Variants in PABPN1L observed in about 807,000 individuals in gnomAD.
The protein encoded by PABPN1L is embryonic polyadenylate-binding protein 2.
Under a neutral mutation model 34.0 loss-of-function variants are expected in PABPN1L, and 45 were observed. That is an observed-to-expected ratio of 1.32 (90% CI 1.04 to 1.70). The LOEUF (loss-of-function observed/expected upper bound fraction) is 1.70, where lower values mean the gene tolerates loss of function less well. Among genes scored for constraint, PABPN1L ranks in the 40% most tolerant of loss-of-function variants. The pLI, the probability that PABPN1L is intolerant of heterozygous loss-of-function variation, is 0.00. For missense variants in PABPN1L, 459 were observed against 367.8 expected, an observed-to-expected ratio of 1.25 and a Z score of -2.03; for synonymous variants, 182 against 152.1, an observed-to-expected ratio of 1.20 and a Z score of -1.45.
At chr16:88,865,101 G>A (rs76746996) in exon 4 of PABPN1L, 48,234 of 1,584,442 alleles carry the variant, frequency 0.03, 1,294 homozygotes, top group African/African-American at 0.14. Context: ...TGGGCCTCCA[G>A]CTCCTCGGCG....
At chr16:88,864,203 C>T (rs1282314144) in intron 6 of PABPN1L, 34 bp downstream of exon 6, 10 of 1,537,438 alleles carry the variant, frequency 6.5e-6, no homozygotes, top group Admixed American at 3.9e-5. Flanking sequence ...CCATGGCCCT[C>T]GCCCCCAGGC....
At chr16:88,865,225 C>G in intron 3 of PABPN1L, 97 bp from the exon 4 acceptor site, 1 of 1,332,982 alleles carries the variant, frequency 7.5e-7, no homozygotes, top group Non-Finnish European at 1.0e-6. Flanking sequence ...AGGCTGGGCC[C>G]CGTGGCGGGG....
chr16:88,866,481 TG>T lies in PABPN1L; in HGVS notation c.125del (p.Pro42GlnfsTer51), dbSNP rs1374213618. 1.9e-6 allele frequency: 3 copies of T among 1,551,444 alleles called. No individual in the cohort carries two copies. Among genetic ancestry groups the T allele is most frequent in the Non-Finnish European group, 2.6e-6 (3 of 1,147,130 alleles). On this transcript the variant is annotated frameshift_variant, in exon 1 of 7. Coordinates refer to ENST00000419291, the Ensembl canonical transcript of PABPN1L. LOFTEE classifies it high-confidence loss of function. ...TCTCCTCCTTCCCTTCCCCACCCTC[TG>T]GCCCCAGAATCTCCTTGGTCTCGTT...
chr16:88,868,785 G>A (rs1597643418), upstream of PABPN1L, among the ~76,000 whole-genome samples: 2 of 152,252 alleles, frequency 1.3e-5, no homozygotes, highest in Non-Finnish European at 2.9e-5. Context: ...TGTGGAAGGT[G>A]GGGGTAGAGA....
Position 88,864,234 on chromosome 16 carries a change from C to T in PABPN1L, c.797+3G>A. On this transcript the variant is annotated splice_donor_region_variant and intron_variant, in intron 6 of 6. Coordinates refer to ENST00000419291, the Ensembl canonical transcript of PABPN1L. ...CAGGCTGCCCCCACAGGCACCCACT[C>T]ACCGGTTCTGCCCTTGTGGTCTGAG... 1 of 1,530,472 alleles carries T rather than the reference C, an allele frequency of 6.5e-7. No individual in the cohort carries two copies. Among genetic ancestry groups the T allele is most frequent in the Middle Eastern group, 1.8e-4 (1 of 5,492 alleles). The allele number at this position is 1,530,472 out of a possible 1,614,324, so 94.8% of individuals were successfully genotyped here.
chr16:88,866,946 C>T (rs938123060), upstream of PABPN1L, among the ~76,000 whole-genome samples: 2 of 152,262 alleles, frequency 1.3e-5, no homozygotes, highest in African/African-American at 2.4e-5. Context: ...AGCATCCACA[C>T]GGCACGAACG....
chr16:88,864,927 CTA>C lies in PABPN1L; in HGVS notation c.578_579del (p.Ile193ArgfsTer141). On this transcript the variant is annotated frameshift_variant, in exon 5 of 7. Coordinates refer to ENST00000419291, the Ensembl canonical transcript of PABPN1L. LOFTEE classifies it high-confidence loss of function. ...TGCACGGAGCCCTTGGTGGCAAACT[CTA>C]TGTAGGCATAACTGAGGGGAGGGGC... The C allele has an allele frequency of 1.5e-6, 2 of 1,370,232 alleles. No individual in the cohort carries two copies. The highest frequency in any genetic ancestry group is 2.3e-5 in the South Asian group (2 of 87,090). The allele number at this position is 1,370,232 out of a possible 1,614,324, so 84.9% of individuals were successfully genotyped here. A position where few individuals can be genotyped will look rare whatever the true frequency, so the allele number is the denominator to read the frequency against.
chr16:88,864,301 C>A, exon 6 of PABPN1L: 1 of 1,555,610 alleles, frequency 6.4e-7, no homozygotes, highest in Non-Finnish European at 8.7e-7. Flanking sequence ...AAGGGTGCCC[C>A]CCTGGAGCCT....
chr16:88,864,962 G>A (rs778071982), intron 4 of PABPN1L, 22 bp from the exon 5 acceptor site: 1 of 1,605,542 alleles, frequency 6.2e-7, no homozygotes, highest in South Asian at 1.1e-5. Context: ...GGCAGGGAGG[G>A]GAGGGGTGAG....
At chr16:88,867,952 C>T (rs1968634600), upstream of PABPN1L, among the ~76,000 whole-genome samples, 2 of 152,352 alleles carry the variant, frequency 1.3e-5, no homozygotes, top group South Asian at 4.1e-4. Flanking sequence ...TCTGTGACTG[C>T]ACCCCGGTGT....
exon 7 of PABPN1L, chr16:88,863,758 A>C: frequency 6.5e-7 from 1 of 1,536,082 alleles, no homozygotes; most frequent in Non-Finnish European, 8.7e-7. Flanking sequence ...TCTTCCCTTT[A>C]ATACGGTGAA....
chr16:88,864,496 G>A lies in PABPN1L; in HGVS notation c.655-117C>T, dbSNP rs575435944. ...TCCTGCCCGGCTCAGGATACCATTC[G>A]GGCCTACAGGGTTCCCTGCCTTTGC... On this transcript the variant is annotated intron_variant, in intron 5 of 6. Transcript: ENST00000419291. 6.6e-5 allele frequency: 91 copies of A among 1,382,086 alleles called. No homozygotes were observed. The African/African-American group carries it at 1.0e-3, about 16-fold the overall frequency. 85.6% of individuals were successfully genotyped at this position (1,382,086 alleles called of 1,614,324 possible).
exon 7 of PABPN1L, chr16:88,863,549 G>C: frequency 1.5e-6 from 1 of 682,924 alleles, no homozygotes; most frequent in South Asian, 1.6e-5. Flanking sequence ...CCGTGGCTGT[G>C]ACTCGTGGCT....
upstream of PABPN1L, among the ~76,000 whole-genome samples, chr16:88,869,433 CCTCGA>C (rs1485770629): frequency 1.3e-5 from 2 of 152,246 alleles, no homozygotes; most frequent in Non-Finnish European, 2.9e-5. Flanking sequence ...GCTCCTCCTC[CCTCGA>C]GAGCCGCTGT....
chr16:88,868,828 T>C (rs758849429), upstream of PABPN1L, among the ~76,000 whole-genome samples: 1 of 152,174 alleles, frequency 6.6e-6, no homozygotes, highest in Non-Finnish European at 1.5e-5. Flanking sequence ...TCAGCGACTC[T>C]GCGTTTCCAC....
exon 1 of PABPN1L, chr16:88,866,584 G>C (rs921229948): frequency 6.4e-7 from 1 of 1,551,472 alleles, no homozygotes; most frequent in Non-Finnish European, 8.7e-7. Flanking sequence ...TGGGAAGAGA[G>C]AGCGGCTCGG....
Position 88,865,977 on chromosome 16 carries a change from T to C in PABPN1L, c.256-36A>G, listed in dbSNP as rs770856940. ...ACGGCCCTGAGCCGGGCAGGCAGCCTGCAGGCTCTGCTCAAGGAAGGTGGG... is the reference window on the plus strand; with the variant it reads ...ACGGCCCTGAGCCGGGCAGGCAGCCCGCAGGCTCTGCTCAAGGAAGGTGGG... On this transcript the variant is annotated intron_variant, in intron 1 of 6. Coordinates refer to ENST00000419291, the Ensembl canonical transcript of PABPN1L. 9 of 1,579,536 alleles carry C rather than the reference T, an allele frequency of 5.7e-6. No individual in the cohort carries two copies. The African/African-American group carries it at 1.1e-4, about 19-fold the overall frequency.
At chr16:88,865,188 T>C (rs1597640363) in intron 3 of PABPN1L, 60 bp from the exon 4 acceptor site, 3 of 1,508,740 alleles carry the variant, frequency 2.0e-6, no homozygotes, top group East Asian at 4.9e-5. Flanking sequence ...CGGGGCCTTC[T>C]TGTTAGAGGT....
At chr16:88,863,745 G>A (rs890806626) in exon 7 of PABPN1L, 23 of 1,535,980 alleles carry the variant, frequency 1.5e-5, no homozygotes, top group African/African-American at 4.1e-5. Context: ...TCTCAAAATC[G>A]GGTCTTCCCT....
Sources: gnomAD v4.1 joint callset for allele counts (sites outside exome capture counted in the v4.1 genomes callset) on GRCh38, gnomAD v4.1.1 for gene constraint, MANE v1.5 for transcripts, NCBI Gene and HGNC (gene_info 2026-07-23, HGNC 2026-07-21) for gene names.